SLC9B1: variants seen among roughly 807,000 people sequenced by gnomAD.
The protein encoded by SLC9B1 is sodium/hydrogen exchanger 9B1.
SLC9B1 carries 32 observed loss-of-function variants against 51.7 expected under a neutral mutation model. That is an observed-to-expected ratio of 0.62 (90% confidence interval 0.47 to 0.83). The LOEUF is 0.83. SLC9B1 is among the 40% of genes least tolerant of loss of function. SLC9B1 has a pLI of 0.00. For synonymous variants in SLC9B1, 145 were observed against 212.7 expected (o/e 0.68, Z 2.77); for missense variants, 406 against 613.2 (o/e 0.66, Z 3.57).
At chr4:102,925,465 T>A (rs1037795270) in intron 7 of SLC9B1, among the ~76,000 whole-genome samples, 1 of 152,054 alleles carries the variant, frequency 6.6e-6, no homozygotes, top group East Asian at 1.9e-4. Flanking sequence ...GACGAGTTAA[T>A]GGGTGCAGCA....
Position 102,990,049 on chromosome 4 carries a change from C to T in SLC9B1, c.70-108G>A, listed in dbSNP as rs547744023. On this transcript the variant is annotated intron_variant, in intron 2 of 11. Coordinates refer to ENST00000296422, the MANE Select transcript of SLC9B1 (RefSeq NM_139173.4). ...TAAATTTATATTATTACTGTCAATG[C>T]GAGGAATCACAGATACAAAAGAAGA... The T allele has an allele frequency of 1.4e-3, 1,238 of 855,568 alleles. 24 individuals carry two copies. The South Asian group carries it at 0.02, about 14-fold the overall frequency. The allele number at this position is 855,568 out of a possible 1,614,324, so 53.0% of individuals were successfully genotyped here.
intron 6 of SLC9B1, among the ~76,000 whole-genome samples, chr4:102,933,111 G>C (rs1736544786): frequency 6.6e-6 from 1 of 152,082 alleles, no homozygotes; most frequent in African/African-American, 2.4e-5. Flanking sequence ...AATGCTTTTG[G>C]TGCTCCTGCC....
chr4:102,929,961 A>G (rs1214084153), intron 7 of SLC9B1, among the ~76,000 whole-genome samples: 2 of 152,252 alleles, frequency 1.3e-5, no homozygotes, highest in Non-Finnish European at 2.9e-5. Flanking sequence ...GAAAATTAAA[A>G]GCCAAATTAC....
intron 3 of SLC9B1, among the ~76,000 whole-genome samples, chr4:102,977,651 T>C (rs1739144944): frequency 6.6e-6 from 1 of 152,172 alleles, no homozygotes; most frequent in African/African-American, 2.4e-5. Context: ...AATTTTTTTC[T>C]AACAACCAGA....
chr4:102,900,721 G>C (rs550845964), downstream of SLC9B1, among the ~76,000 whole-genome samples: 2 of 152,092 alleles, frequency 1.3e-5, no homozygotes, highest in African/African-American at 4.8e-5. Context: ...GACATCATGG[G>C]AGTTCTACTC....
chr4:102,974,539 A>AG (rs1392946906), intron 3 of SLC9B1, among the ~76,000 whole-genome samples: 1 of 152,198 alleles, frequency 6.6e-6, no homozygotes, highest in African/African-American at 2.4e-5. Flanking sequence ...ATATGACAAC[A>AG]GTCTAAAAAC....
chr4:102,892,841 C>G (rs929414795), intron 11 of SLC9B1: 1 of 152,086 alleles, frequency 6.6e-6, no homozygotes, highest in Non-Finnish European at 1.5e-5. Flanking sequence ...CCATTACTAT[C>G]CCTCATAAAT....
At chr4:102,984,763 C>T (rs1739528436) in intron 3 of SLC9B1, among the ~76,000 whole-genome samples, 1 of 152,188 alleles carries the variant, frequency 6.6e-6, no homozygotes, top group African/African-American at 2.4e-5. Context: ...TGCCTGCTGT[C>T]TCTGTCCATT....
intron 3 of SLC9B1, among the ~76,000 whole-genome samples, chr4:102,965,506 A>T (rs2110492824): frequency 6.6e-6 from 1 of 152,292 alleles, no homozygotes. Flanking sequence ...GGACTGCACC[A>T]AGCTGCTCAA....
intron 3 of SLC9B1, among the ~76,000 whole-genome samples, chr4:102,986,207 C>T (rs1377816842): frequency 2.0e-5 from 3 of 150,348 alleles, no homozygotes; most frequent in Non-Finnish European, 4.4e-5. Flanking sequence ...TTCTCCTTCA[C>T]TTTTCAAGGA....
intron 7 of SLC9B1, among the ~76,000 whole-genome samples, chr4:102,923,058 T>A (rs1735964893): frequency 6.6e-6 from 1 of 152,226 alleles, no homozygotes; most frequent in African/African-American, 2.4e-5. Flanking sequence ...ATTCATTTTA[T>A]GAGGCCAACA....
chr4:102,923,019 A>G (rs976685828), intron 7 of SLC9B1, among the ~76,000 whole-genome samples: 7 of 152,220 alleles, frequency 4.6e-5, no homozygotes, highest in African/African-American at 1.7e-4. Context: ...AACTATTCCA[A>G]TCAATAGAAA....
chr4:102,906,476 A>G (rs1195208913), intron 10 of SLC9B1, 60 bp downstream of exon 10: 3 of 845,040 alleles, frequency 3.6e-6, no homozygotes. Context: ...AAATAAATGT[A>G]TTTATAATTT....
chr4:102,943,999 T>C (rs1737147335), intron 6 of SLC9B1, among the ~76,000 whole-genome samples: 3 of 152,124 alleles, frequency 2.0e-5, no homozygotes, highest in Admixed American at 2.0e-4. Context: ...AGCATCAGAC[T>C]GCGGACCAAG....
At chr4:103,013,644 G>A (rs1320464701) in intron 1 of SLC9B1, among the ~76,000 whole-genome samples, 1 of 152,124 alleles carries the variant, frequency 6.6e-6, no homozygotes, top group Non-Finnish European at 1.5e-5. Flanking sequence ...AGCATCTTAA[G>A]TTAGTATATG....
intron 6 of SLC9B1, among the ~76,000 whole-genome samples, chr4:102,940,319 A>G (rs895073494): frequency 1.3e-5 from 2 of 152,324 alleles, no homozygotes; most frequent in Non-Finnish European, 2.9e-5. Flanking sequence ...ATATCTCTAC[A>G]ATGAAAATTA....
At chr4:102,951,299 G>A (rs879031156) in intron 3 of SLC9B1, among the ~76,000 whole-genome samples, 1 of 152,116 alleles carries the variant, frequency 6.6e-6, no homozygotes, top group Non-Finnish European at 1.5e-5. Flanking sequence ...CTAATAGACA[G>A]TCCTGATCCC....
In SLC9B1 at chr4:102,924,008, T is replaced by C. The variant is rs1736023831; in HGVS notation, c.829+8116A>G. Reference sequence around the variant, plus strand: ...AAGGTAATTTATAGATTCAATGCCATCCCCATCAAGCTACCAATGACTTTC... The same window carrying C: ...AAGGTAATTTATAGATTCAATGCCACCCCCATCAAGCTACCAATGACTTTC... On this transcript the variant is annotated intron_variant, in intron 7 of 11. Transcript: ENST00000296422. Among the ~76,000 whole-genome samples the C allele has an allele frequency of 2.0e-5, 3 of 152,200 alleles. No homozygotes were observed. The South Asian group carries it at 6.3e-4, about 32-fold the overall frequency.
intron 6 of SLC9B1, chr4:102,941,563 C>T: frequency 4.5e-6 from 2 of 441,412 alleles, no homozygotes; most frequent in Non-Finnish European, 9.0e-6. Context: ...TTGCTTGAAC[C>T]TGGGAGGCAG....
Sources: gnomAD v4.1 joint callset for allele counts (sites outside exome capture counted in the v4.1 genomes callset) on GRCh38, gnomAD v4.1.1 for gene constraint, MANE v1.5 for transcripts, NCBI Gene and HGNC (gene_info 2026-07-23, HGNC 2026-07-21) for gene names.